The following MAP3K4 variants were observed in gnomAD, a reference collection of about 807,000 sequenced individuals.
MAP3K4 encodes mitogen-activated protein kinase kinase kinase 4.
A neutral mutation model predicts 185.6 loss-of-function variants in MAP3K4; 67 were observed. The ratio of observed to expected loss-of-function variants is 0.36; its 90% CI spans 0.30 to 0.44. The LOEUF (loss-of-function observed/expected upper bound fraction) is 0.44, where lower values mean the gene tolerates loss of function less well. Ranked by LOEUF, MAP3K4 falls within the 20% of genes least tolerant of loss-of-function variation. MAP3K4 has a pLI of 1.00. For missense variants in MAP3K4, 1,551 were observed against 1,995.1 expected, an observed-to-expected ratio of 0.78 and a Z score of 4.24; for synonymous variants, 702 against 710.4, an observed-to-expected ratio of 0.99 and a Z score of 0.19.
At chr6:161,068,849 C>T (rs1367532564) in intron 3 of MAP3K4, among the ~76,000 whole-genome samples, 3 of 152,196 alleles carry the variant, frequency 2.0e-5, no homozygotes, top group Non-Finnish European at 4.4e-5. Flanking sequence ...AACAGGGAAT[C>T]ATCTTGAAGA....
rs184377303 is a variant in MAP3K4 at position 161,031,312 on chromosome 6, G to C, written c.153-2947G>C. On this transcript the variant is annotated intron_variant, in intron 1 of 26. Coordinates refer to ENST00000392142, the MANE Select transcript of MAP3K4 (RefSeq NM_005922.4). ...AGTACAGCCACATTAATTTTTCCAT[G>C]TGTAGAGAAATAATTTGTCTACAGT... 3.2e-3 allele frequency among the ~76,000 whole-genome samples: 481 copies of C among 152,280 alleles called. 2 individuals are homozygous for C. Among genetic ancestry groups the C allele is most frequent in the African/African-American group, 0.011 (454 of 41,556 alleles).
At position 161,061,315 on chromosome 6, in the gene MAP3K4, T is replaced by C. The variant is rs775714316; in HGVS notation, c.1708-9293T>C. 6.6e-6 allele frequency among the ~76,000 whole-genome samples: 1 copy of C among 152,238 alleles called. No individual in the cohort carries two copies. Among genetic ancestry groups the C allele is most frequent in the Non-Finnish European group, 1.5e-5 (1 of 68,046 alleles). ...AGTTTTGTTTTTGACCATCCTTAGGTTATAACCCTCTGTGGATGTAACATC... is the reference window on the plus strand; with the variant it reads ...AGTTTTGTTTTTGACCATCCTTAGGCTATAACCCTCTGTGGATGTAACATC... On this transcript the variant is annotated intron_variant, in intron 3 of 26. Coordinates refer to ENST00000392142, the MANE Select transcript of MAP3K4 (RefSeq NM_005922.4). This position sits in a 1 kb window ranked among gnomAD's most constrained non-coding sequence, Gnocchi z 4.2.
Position 161,073,649 on chromosome 6 carries a change from T to G in MAP3K4, c.2097+37T>G. 6.3e-7 allele frequency: 1 copy of G among 1,586,830 alleles called. No individual in the cohort carries two copies. Among genetic ancestry groups the G allele is most frequent in the Non-Finnish European group, 8.6e-7 (1 of 1,167,280 alleles). On this transcript the variant is annotated intron_variant, in intron 5 of 26. Coordinates refer to ENST00000392142, the MANE Select transcript of MAP3K4 (RefSeq NM_005922.4). This position sits in a 1 kb window ranked among gnomAD's most constrained non-coding sequence, Gnocchi z 4.2. ...TGGGGAGGAATTTTTCTTTCTTTCT[T>G]TGTTTCTTTTTTTAAAAAAGTAAGC...
intron 19 of MAP3K4, 23 bp downstream of exon 19, chr6:161,102,802 TAAAAAAAAAA>T (rs397886595): frequency 1.7e-5 from 10 of 604,746 alleles, no homozygotes; most frequent in African/African-American, 4.4e-5. Context: ...GTGTTGAAGT[TAAAAAAAAAA>T]AAAAAAAAAA....
rs971527368 is a variant in MAP3K4 at position 161,022,659 on chromosome 6, T to C, written c.153-11600T>C. Among the ~76,000 whole-genome samples, 1 of 152,222 alleles carries C rather than the reference T, an allele frequency of 6.6e-6. No individual in the cohort carries two copies. The highest frequency in any genetic ancestry group is 2.4e-5 in the African/African-American group (1 of 41,440). On this transcript the variant is annotated intron_variant, in intron 1 of 26. Coordinates refer to ENST00000392142, the MANE Select transcript of MAP3K4 (RefSeq NM_005922.4). The surrounding 1 kb of genome is among the most constrained non-coding windows in gnomAD (Gnocchi z 4.2). ...TAGAGTTAGATCAGGACTCCAGTTA[T>C]GGCCCAGACACTTGCAAGATGAGCC... is the stretch of plus-strand genomic sequence containing the variant.
intron 3 of MAP3K4, among the ~76,000 whole-genome samples, chr6:161,055,553 TAACTA>T (rs897531891): frequency 3.3e-4 from 50 of 152,366 alleles, no homozygotes; most frequent in African/African-American, 1.0e-3. Context: ...AAAGTGCTGT[TAACTA>T]AACTACAGAC....
chr6:160,996,290 GTT>G lies in MAP3K4; in HGVS notation c.152+4210_152+4211del. On this transcript the variant is annotated intron_variant, in intron 1 of 26. Coordinates refer to ENST00000392142, the MANE Select transcript of MAP3K4 (RefSeq NM_005922.4). The surrounding 1 kb of genome is among the most constrained non-coding windows in gnomAD (Gnocchi z 4.5). Reference sequence around the variant, plus strand: ...ACAGCAGTGATGGCAGAAACTTCATGTTTTCAACTGGGGACTTGTCACTTAGG... The same window carrying G: ...ACAGCAGTGATGGCAGAAACTTCATGTTCAACTGGGGACTTGTCACTTAGG... 1.3e-5 allele frequency among the ~76,000 whole-genome samples: 2 copies of G among 152,292 alleles called. No individual in the cohort carries two copies. The highest frequency in any genetic ancestry group is 4.2e-4 in the South Asian group (2 of 4,816).
In MAP3K4 at chr6:161,112,829, A is replaced by T. The variant is rs1372531988; in HGVS notation, c.4626+55A>T. The T allele has an allele frequency of 8.4e-7, 1 of 1,186,972 alleles. No homozygotes were observed. The highest frequency in any genetic ancestry group is 1.5e-5 in the African/African-American group (1 of 65,044). The allele number at this position is 1,186,972 out of a possible 1,614,324, so 73.5% of individuals were successfully genotyped here. A position where few individuals can be genotyped will look rare whatever the true frequency, so the allele number is the denominator to read the frequency against. On this transcript the variant is annotated intron_variant, in intron 25 of 26. Coordinates refer to ENST00000392142, the MANE Select transcript of MAP3K4 (RefSeq NM_005922.4). This position sits in a 1 kb window ranked among gnomAD's most constrained non-coding sequence, Gnocchi z 5.1. ...AACTTCAGAAGGGCACTGTGCATTA[A>T]CAGAACAGTAGTTATGGATTGATTA...
At position 161,074,522 on chromosome 6, in the gene MAP3K4, C is replaced by A. The variant is rs1785084653; in HGVS notation, c.2097+910C>A. Among the ~76,000 whole-genome samples the A allele has an allele frequency of 6.6e-6, 1 of 152,166 alleles. No individual in the cohort carries two copies. Among genetic ancestry groups the A allele is most frequent in the African/African-American group, 2.4e-5 (1 of 41,442 alleles). On this transcript the variant is annotated intron_variant, in intron 5 of 26. Coordinates refer to ENST00000392142, the MANE Select transcript of MAP3K4 (RefSeq NM_005922.4). The surrounding 1 kb of genome is among the most constrained non-coding windows in gnomAD (Gnocchi z 5.0). ...CTCTTTTTAGCAGTTACAGTTAGAA[C>A]TATATGGTTTAACATTTAAACAGAG...
chr6:161,007,504 A>G lies in MAP3K4; in HGVS notation c.152+15421A>G, dbSNP rs530731836. On this transcript the variant is annotated intron_variant, in intron 1 of 26. Coordinates refer to ENST00000392142, the MANE Select transcript of MAP3K4 (RefSeq NM_005922.4). The surrounding 1 kb of genome is among the most constrained non-coding windows in gnomAD (Gnocchi z 4.5). ...CTCTTAAGGAGCACAGGGCTCAGAT[A>G]AAGTTAAACAGTTGTGTCAAGTGAT... 2.6e-5 allele frequency among the ~76,000 whole-genome samples: 4 copies of G among 152,326 alleles called. No individual in the cohort carries two copies. Among genetic ancestry groups the G allele is most frequent in the African/African-American group, 9.6e-5 (4 of 41,578 alleles).
intron 1 of MAP3K4, among the ~76,000 whole-genome samples, chr6:161,018,410 G>A (rs2115102986): frequency 6.6e-6 from 1 of 152,312 alleles, no homozygotes; most frequent in South Asian, 2.1e-4. Flanking sequence ...TGGTTGAAGT[G>A]GAAAGTCTTT....
In MAP3K4 at chr6:161,084,821, G is replaced by T. The variant is rs913604340; in HGVS notation, c.2372+204G>T. ...GGTTTTATGTGAAATTTTCTTTGAA[G>T]GGGAACTTAGAATTTATTTAGTGTG... On this transcript the variant is annotated intron_variant, in intron 7 of 26. Coordinates refer to ENST00000392142, the MANE Select transcript of MAP3K4 (RefSeq NM_005922.4). The surrounding 1 kb of genome is among the most constrained non-coding windows in gnomAD (Gnocchi z 4.6). Among the ~76,000 whole-genome samples, 1 of 152,146 alleles carries T rather than the reference G, an allele frequency of 6.6e-6. No homozygotes were observed. Among genetic ancestry groups the T allele is most frequent in the Non-Finnish European group, 1.5e-5 (1 of 68,030 alleles).
In MAP3K4 at chr6:161,114,513, A is replaced by G. The variant is rs1366866266; in HGVS notation, c.4627-610A>G. Among the ~76,000 whole-genome samples the G allele has an allele frequency of 6.6e-6, 1 of 152,234 alleles. No individual in the cohort carries two copies. The highest frequency in any genetic ancestry group is 2.4e-5 in the African/African-American group (1 of 41,468). Reference sequence around the variant, plus strand: ...ATTAAAATAGAAAGGCAGTTGTGATATCTGTGTTATTCCAGTAAAGCCACA... The same window carrying G: ...ATTAAAATAGAAAGGCAGTTGTGATGTCTGTGTTATTCCAGTAAAGCCACA... On this transcript the variant is annotated intron_variant, in intron 25 of 26. Transcript: ENST00000392142. The surrounding 1 kb of genome is among the most constrained non-coding windows in gnomAD (Gnocchi z 4.3).
intron 3 of MAP3K4, among the ~76,000 whole-genome samples, chr6:161,052,742 CTTGTGTGTGTAT>C (rs1225313556): frequency 2.6e-5 from 4 of 151,804 alleles, no homozygotes; most frequent in Non-Finnish European, 5.9e-5. Flanking sequence ...TGTGTGCGTG[CTTGTGTGTGTAT>C]GTGTGTGAAT....
Position 161,088,621 on chromosome 6 carries a change from A to G in MAP3K4, c.2823+667A>G, listed in dbSNP as rs752590967. On this transcript the variant is annotated intron_variant, in intron 10 of 26. Coordinates refer to ENST00000392142, the MANE Select transcript of MAP3K4 (RefSeq NM_005922.4). The surrounding 1 kb of genome is among the most constrained non-coding windows in gnomAD (Gnocchi z 4.5). The stretch of plus-strand genomic sequence containing the variant: ...ACAGCTAATATAAATTCAGCCTCCC[A>G]TCTTTCCAGTTAATACCTTGCCCTG... 2.0e-5 allele frequency among the ~76,000 whole-genome samples: 3 copies of G among 152,168 alleles called. No individual in the cohort carries two copies. The highest frequency in any genetic ancestry group is 2.9e-5 in the Non-Finnish European group (2 of 68,032).
In MAP3K4 at chr6:161,076,480, A is replaced by G. The variant is rs971472194; in HGVS notation, c.2097+2868A>G. On this transcript the variant is annotated intron_variant, in intron 5 of 26. Coordinates refer to ENST00000392142, the MANE Select transcript of MAP3K4 (RefSeq NM_005922.4). This position sits in a 1 kb window ranked among gnomAD's most constrained non-coding sequence, Gnocchi z 4.2. ...GAAAAACTGAGACACTTAAGCATGT[A>G]GGTCAAAGGAAGTAACTTGGTGAGC... Among the ~76,000 whole-genome samples, 2 of 152,358 alleles carry G rather than the reference A, an allele frequency of 1.3e-5. No individual in the cohort carries two copies. The highest frequency in any genetic ancestry group is 4.8e-5 in the African/African-American group (2 of 41,586).
rs117347685 is a variant in MAP3K4 at position 161,101,563 on chromosome 6, T to A, written c.3675-329T>A. 3,997 of 184,108 alleles carry A rather than the reference T, an allele frequency of 0.022. 69 individuals are homozygous for A. Among genetic ancestry groups the A allele is most frequent in the Non-Finnish European group, 0.033 (2,949 of 89,266 alleles). 11.4% of individuals were successfully genotyped at this position (184,108 alleles called of 1,614,324 possible). A position where few individuals can be genotyped will look rare whatever the true frequency, so the allele number is the denominator to read the frequency against. On this transcript the variant is annotated intron_variant, in intron 17 of 26. Coordinates refer to ENST00000392142, the MANE Select transcript of MAP3K4 (RefSeq NM_005922.4). This position sits in a 1 kb window ranked among gnomAD's most constrained non-coding sequence, Gnocchi z 5.1. ...GACAAGGTTTTATGCAGGCAGGTGC[T>A]CTCAGGCTCGGGTGTTGGCTATGGA...
chr6:161,032,613 C>G (rs1236616385), intron 1 of MAP3K4, among the ~76,000 whole-genome samples: 1 of 152,102 alleles, frequency 6.6e-6, no homozygotes, highest in Non-Finnish European at 1.5e-5. Context: ...TGTTATTAAC[C>G]ACTGCAACAC....
At chr6:161,050,999 C>T (rs948225525) in intron 3 of MAP3K4, among the ~76,000 whole-genome samples, 32 of 152,200 alleles carry the variant, frequency 2.1e-4, no homozygotes, top group African/African-American at 7.2e-4. Flanking sequence ...ATAACCAATG[C>T]ACAACCTCGT....
Sources: gnomAD v4.1 joint callset for allele counts (sites outside exome capture counted in the v4.1 genomes callset) on GRCh38, gnomAD v4.1.1 for gene constraint, Gnocchi (gnomAD v3.1) non-coding constraint, MANE v1.5 for transcripts, NCBI Gene and HGNC (gene_info 2026-07-23, HGNC 2026-07-21) for gene names.